Variants in PCNX2 observed in about 807,000 individuals in gnomAD.
PCNX2 encodes pecanex 2.
Under a neutral mutation model 223.8 loss-of-function variants are expected in PCNX2, and 168 were observed. The observed-to-expected ratio is 0.75, with a 90% CI of 0.66 to 0.85. The LOEUF is 0.85. Ranked by LOEUF, PCNX2 falls within the 40% of genes least tolerant of loss-of-function variation. The pLI, the probability that PCNX2 is intolerant of heterozygous loss-of-function variation, is 0.00. For missense variants in PCNX2, 2,507 were observed against 2,675.5 expected (o/e 0.94, Z 1.39); for synonymous variants, 1,006 against 1,052.6 (o/e 0.96, Z 0.86).
chr1:233,190,704 C>A (rs556554541), intron 15 of PCNX2, among the ~76,000 whole-genome samples: 37 of 152,290 alleles, frequency 2.4e-4, no homozygotes, highest in African/African-American at 7.7e-4. Flanking sequence ...TAAGTAAACC[C>A]CAGAGTTCTT....
intron 23 of PCNX2, chr1:233,058,039 C>A: frequency 1.0e-6 from 1 of 985,392 alleles, no homozygotes; most frequent in Non-Finnish European, 1.2e-6. Context: ...TTAGGTTGAA[C>A]CATGAGAATG....
intron 19 of PCNX2, among the ~76,000 whole-genome samples, chr1:233,158,452 T>G (rs1395092654): frequency 1.3e-5 from 2 of 152,058 alleles, no homozygotes; most frequent in Admixed American, 1.3e-4. Context: ...ACAGGGAAAG[T>G]TATAGATACA....
intron 1 of PCNX2, among the ~76,000 whole-genome samples, chr1:233,278,087 C>T (rs1319296625): frequency 1.3e-5 from 2 of 152,218 alleles, no homozygotes; most frequent in African/African-American, 2.4e-5. Context: ...AGTTATCACA[C>T]TTTTATGGAC....
chr1:233,174,648 T>C (rs1450366758), intron 17 of PCNX2, among the ~76,000 whole-genome samples: 1 of 151,956 alleles, frequency 6.6e-6, no homozygotes, highest in Non-Finnish European at 1.5e-5. Flanking sequence ...TAAATAGGCT[T>C]TTTTTTGTTT....
chr1:233,041,302 G>C (rs1370744567), intron 25 of PCNX2, among the ~76,000 whole-genome samples: 1 of 152,146 alleles, frequency 6.6e-6, no homozygotes, highest in East Asian at 1.9e-4. Context: ...TCATACTACA[G>C]GTTGAACATC....
intron 21 of PCNX2, among the ~76,000 whole-genome samples, chr1:233,130,072 C>T (rs147272463): frequency 6.6e-6 from 1 of 152,244 alleles, no homozygotes; most frequent in African/African-American, 2.4e-5. Context: ...CAACTCCAGA[C>T]ACGCTGCCTT....
rs866290548 is a variant in PCNX2 at position 233,234,196 on chromosome 1, T to C, written c.2358+2649A>G. Among the ~76,000 whole-genome samples, 18 of 152,366 alleles carry C rather than the reference T, an allele frequency of 1.2e-4. No individual in the cohort carries two copies. In the Middle Eastern group the frequency reaches 0.014, roughly 115 times the overall value. On this transcript the variant is annotated intron_variant, in intron 9 of 33. Coordinates refer to ENST00000258229, the MANE Select transcript of PCNX2 (RefSeq NM_014801.4). ...CAGCCTACAGCAAATATTTGTTGGATAATGACAAGAAAACCTATTTAATTT... is the reference window on the plus strand; with the variant it reads ...CAGCCTACAGCAAATATTTGTTGGACAATGACAAGAAAACCTATTTAATTT...
chr1:233,123,515 G>C (rs1329464636), intron 21 of PCNX2, among the ~76,000 whole-genome samples: 1 of 152,008 alleles, frequency 6.6e-6, no homozygotes, highest in Non-Finnish European at 1.5e-5. Context: ...CCAGGAGGCG[G>C]ATGTTGCAGT....
chr1:233,014,377 TCTTCCCAGCGAATCTGCAAGGA>T (rs1670575975), intron 28 of PCNX2, among the ~76,000 whole-genome samples: 1 of 152,148 alleles, frequency 6.6e-6, no homozygotes, highest in Admixed American at 6.5e-5. Context: ...TTTCATTGAA[TCTTCCCAGCGAATCTGCAAGGA>T]CTTCTGTAAC....
chr1:233,069,728 G>A (rs943032543), intron 23 of PCNX2, among the ~76,000 whole-genome samples: 2 of 151,936 alleles, frequency 1.3e-5, no homozygotes, highest in Non-Finnish European at 2.9e-5. Flanking sequence ...AAGATTTGTC[G>A]AACATAGCTA....
intron 21 of PCNX2, among the ~76,000 whole-genome samples, chr1:233,125,281 C>T (rs1676030926): frequency 6.6e-6 from 1 of 152,188 alleles, no homozygotes. Context: ...AATTTTGTTT[C>T]ACGGGTCACT....
chr1:233,124,393 C>A (rs61365755), intron 21 of PCNX2, among the ~76,000 whole-genome samples: 1 of 152,198 alleles, frequency 6.6e-6, no homozygotes, highest in Non-Finnish European at 1.5e-5. Flanking sequence ...CAAGTCCATT[C>A]TTCAGCGCAG....
chr1:233,238,044 G>C (rs761549293), intron 8 of PCNX2, among the ~76,000 whole-genome samples: 1 of 152,210 alleles, frequency 6.6e-6, no homozygotes, highest in Non-Finnish European at 1.5e-5. Context: ...GGACAAACTT[G>C]AGTACTGGAG....
intron 32 of PCNX2, 106 bp downstream of exon 32, chr1:232,998,145 G>T: frequency 8.3e-7 from 1 of 1,203,748 alleles, no homozygotes; most frequent in Non-Finnish European, 1.1e-6. Flanking sequence ...TTGTCCCAAT[G>T]CAAGAAGGTG....
chr1:233,018,490 C>T (rs1670762940), intron 26 of PCNX2, among the ~76,000 whole-genome samples: 1 of 152,164 alleles, frequency 6.6e-6, no homozygotes, highest in South Asian at 2.1e-4. Context: ...GGGGAAAATG[C>T]CTCCCTTGGG....
rs1028542886 is a variant in PCNX2 at position 232,990,013 on chromosome 1, C to T, written c.5792-3473G>A. 1.3e-5 allele frequency among the ~76,000 whole-genome samples: 2 copies of T among 152,230 alleles called. No homozygotes were observed. Among genetic ancestry groups the T allele is most frequent in the Admixed American group, 6.5e-5 (1 of 15,288 alleles). The stretch of plus-strand genomic sequence containing the variant: ...CCCATAGCTGGAGACTGGCCTCTAA[C>T]GCCCCTGCACTGGCCAAGCAGGTCT... On this transcript the variant is annotated intron_variant, in intron 32 of 33. Transcript: ENST00000258229. The surrounding 1 kb of genome is among the most constrained non-coding windows in gnomAD (Gnocchi z 4.3).
At position 232,984,135 on chromosome 1, in the gene PCNX2, T is replaced by TAC; in HGVS notation, c.*168_*169insGT. ...TTTTTTTTTTTTTTTTTTTTTTTTT[T>TAC]CAAAAACCTGAGATCAGTTCTGTGT... On this transcript the variant is annotated 3_prime_UTR_variant, in exon 34 of 34. Coordinates refer to ENST00000258229, the MANE Select transcript of PCNX2 (RefSeq NM_014801.4). 1 of 119,948 alleles carries TAC rather than the reference T, an allele frequency of 8.3e-6. No individual in the cohort carries two copies. 7.4% of individuals were successfully genotyped at this position (119,948 alleles called of 1,614,324 possible).
rs1256525810 is a variant in PCNX2, at chr1:232,999,112, A to T, written c.5596T>A (p.Trp1866Arg). The change falls in exon 31 of 34, where the codon TGG (tryptophan) becomes AGG (arginine). Residue 1866 changes from tryptophan (W) to arginine (R), a missense_variant. Around this residue, in one of 3 missense-constraint regions of PCNX2, gnomAD observed 1,372 missense variants for 1,509.4 expected, o/e 0.91. Transcript: ENST00000258229. ...TTTGTTGTAAAAACTTACCTTACCC[A>T]CTTGGTCCAGAACCAGGTCCTAATT... ...DRIRTWFWTK[W>R]VRMRKDCNAR... The T allele has an allele frequency of 5.0e-6, 8 of 1,603,540 alleles. No individual in the cohort carries two copies. The highest frequency in any genetic ancestry group is 1.3e-5 in the African/African-American group (1 of 74,630).
At chr1:233,308,438 G>A in the PCNX2 span, among the ~76,000 whole-genome samples, 2 of 151,164 alleles carry the variant, frequency 1.3e-5, no homozygotes, top group South Asian at 2.1e-4. Flanking sequence ...CAGCCTGGGC[G>A]ACAGAGCAAG....
Sources: gnomAD v4.1 joint callset for allele counts (sites outside exome capture counted in the v4.1 genomes callset) on GRCh38, gnomAD v4.1.1 for gene constraint, gnomAD v4.1.1 regional missense constraint, Gnocchi (gnomAD v3.1) non-coding constraint, MANE v1.5 for transcripts, NCBI Gene and HGNC (gene_info 2026-07-23, HGNC 2026-07-21) for gene names.